The following TSPEAR variants were observed in gnomAD, a reference collection of about 807,000 sequenced individuals.
TSPEAR encodes the protein thrombospondin type laminin G domain and EAR repeats.
TSPEAR carries 69 observed loss-of-function variants against 71.6 expected under a neutral mutation model. The observed-to-expected ratio is 0.96, with a 90% CI of 0.79 to 1.18. The LOEUF is 1.18. Among genes scored for constraint, TSPEAR ranks in the 50% most tolerant of loss-of-function variants. The probability of loss-of-function intolerance (pLI) is 0.00; values close to 1 mark genes in which losing one functional copy is unlikely to be tolerated. For synonymous variants in TSPEAR, 402 were observed against 387.2 expected, an observed-to-expected ratio of 1.04 and a Z score of -0.45; for missense variants, 971 against 894.9, an observed-to-expected ratio of 1.09 and a Z score of -1.09.
chr21:44,672,599 C>T (rs1986115241), intron 1 of TSPEAR, among the ~76,000 whole-genome samples: 1 of 152,016 alleles, frequency 6.6e-6, no homozygotes, highest in African/African-American at 2.4e-5. Flanking sequence ...ACCTATTTAG[C>T]AAAATGATAG....
At chr21:44,503,519 CTTGGGGGG>C in intron 11 of TSPEAR, among the ~76,000 whole-genome samples, 1 of 129,718 alleles carries the variant, frequency 7.7e-6, no homozygotes, top group Non-Finnish European at 1.6e-5. Context: ...TTGGTGAGCC[CTTGGGGGG>C]AAGCCGGCCT....
Position 44,673,998 on chromosome 21 carries a change from A to G in TSPEAR, c.82+37435T>C, listed in dbSNP as rs375989825. Among the ~76,000 whole-genome samples, 44 of 152,288 alleles carry G rather than the reference A, an allele frequency of 2.9e-4. 1 individual carries two copies. The South Asian group carries it at 7.7e-3, about 27-fold the overall frequency. ...GGGACGTTAGTAGTAATAAATGCCTACATCAAAAAGGTAGATGTGGTGGTG... is the reference window on the plus strand; with the variant it reads ...GGGACGTTAGTAGTAATAAATGCCTGCATCAAAAAGGTAGATGTGGTGGTG... On this transcript the variant is annotated intron_variant, in intron 1 of 11. Transcript: ENST00000323084.
rs782538541 is a variant in TSPEAR, at chr21:44,513,371, T to C, written c.1567-3985A>G. Among the ~76,000 whole-genome samples, 13 of 151,260 alleles carry C rather than the reference T, an allele frequency of 8.6e-5. No homozygotes were observed. The South Asian group carries it at 2.3e-3, about 27-fold the overall frequency. On this transcript the variant is annotated intron_variant, in intron 9 of 11. Transcript: ENST00000323084. ...GAGGGTGTGCAGTGTGGGACCCCCC[T>C]GTCAGGCCACTCCCAGATTTTAAGC...
At chr21:44,665,499 T>G (rs587682110) in intron 1 of TSPEAR, among the ~76,000 whole-genome samples, 20 of 152,382 alleles carry the variant, frequency 1.3e-4, no homozygotes, top group Middle Eastern at 6.8e-3. Context: ...GATTACATTC[T>G]GAATAATTTC....
intron 1 of TSPEAR, among the ~76,000 whole-genome samples, chr21:44,655,178 T>C (rs1216249473): frequency 6.6e-6 from 1 of 152,210 alleles, no homozygotes; most frequent in African/African-American, 2.4e-5. Context: ...GGGTGGCCGA[T>C]ACCCCATTTT....
intron 1 of TSPEAR, among the ~76,000 whole-genome samples, chr21:44,630,560 G>A (rs1555935525): frequency 6.6e-6 from 1 of 152,116 alleles, no homozygotes; most frequent in Admixed American, 6.5e-5. Flanking sequence ...AAAGACCTGA[G>A]AGGCTCTCAG....
intron 11 of TSPEAR, 141 bp from the exon 12 acceptor site, chr21:44,500,077 T>G (rs2052000720): frequency 1.2e-6 from 1 of 830,822 alleles, no homozygotes; most frequent in Non-Finnish European, 1.8e-6. Flanking sequence ...TGGCACAGCG[T>G]GGGGAGATCG....
At chr21:44,685,799 C>A (rs1555948855) in intron 1 of TSPEAR, among the ~76,000 whole-genome samples, 2 of 152,178 alleles carry the variant, frequency 1.3e-5, no homozygotes, top group Non-Finnish European at 2.9e-5. Context: ...AGTCCAGATC[C>A]CTGCACCTCT....
rs1293064438 is a variant in TSPEAR, at chr21:44,711,239, C to T, written c.82+194G>A. 6.6e-6 allele frequency among the ~76,000 whole-genome samples: 1 copy of T among 152,028 alleles called. No homozygotes were observed. Among genetic ancestry groups the T allele is most frequent in the Non-Finnish European group, 1.5e-5 (1 of 68,004 alleles). ...CGCGTTTCTATTGCAACTGCCTGCC[C>T]TGCGCTTTCATCTTCCCCACCTGTG... On this transcript the variant is annotated intron_variant, in intron 1 of 11. Coordinates refer to ENST00000323084, the MANE Select transcript of TSPEAR (RefSeq NM_144991.3). The surrounding 1 kb of genome is among the most constrained non-coding windows in gnomAD (Gnocchi z 4.5).
intron 5 of TSPEAR, among the ~76,000 whole-genome samples, chr21:44,529,261 A>G (rs1555915406): frequency 6.6e-6 from 1 of 152,098 alleles, no homozygotes; most frequent in African/African-American, 2.4e-5. Flanking sequence ...CCATGGCAGG[A>G]GTGTGGTTTA....
chr21:44,650,447 G>GATGGCGGCAGAGACTGGGGCCACGTGACA (rs1984715676), intron 1 of TSPEAR, among the ~76,000 whole-genome samples: 1 of 151,918 alleles, frequency 6.6e-6, no homozygotes, highest in South Asian at 2.1e-4. Flanking sequence ...GCCACGTGAC[G>GATGGCGGCAGAGACTGGGGCCACGTGACA]ACGGGGGCAG....
chr21:44,549,599 G>C (rs1167351688), intron 2 of TSPEAR, among the ~76,000 whole-genome samples: 1 of 152,232 alleles, frequency 6.6e-6, no homozygotes, highest in Non-Finnish European at 1.5e-5. Context: ...CGGGCAACGT[G>C]GTGACGGTCA....
intron 1 of TSPEAR, chr21:44,646,346 T>C: frequency 6.9e-7 from 1 of 1,447,658 alleles, no homozygotes; most frequent in Admixed American, 2.2e-5. Context: ...GGACAACACA[T>C]GCCAGGGAGG....
At chr21:44,663,693 T>G (rs1555944171) in intron 1 of TSPEAR, among the ~76,000 whole-genome samples, 1 of 152,084 alleles carries the variant, frequency 6.6e-6, no homozygotes, top group Non-Finnish European at 1.5e-5. Flanking sequence ...ATATCTCTTA[T>G]GAATATAGAT....
At chr21:44,558,782 T>G in intron 2 of TSPEAR, 1 of 1,533,474 alleles carries the variant, frequency 6.5e-7, no homozygotes, top group Non-Finnish European at 8.8e-7. Context: ...AGTGAGGGAG[T>G]GAGTGAGTGA....
chr21:44,504,268 G>A (rs1364122969), intron 11 of TSPEAR, among the ~76,000 whole-genome samples: 1 of 130,334 alleles, frequency 7.7e-6, no homozygotes, highest in Admixed American at 7.3e-5. Context: ...TGAGCCCTCA[G>A]GGGGAAGCAG....
At chr21:44,585,748 A>G (rs1979295787) in intron 1 of TSPEAR, among the ~76,000 whole-genome samples, 1 of 150,314 alleles carries the variant, frequency 6.7e-6, no homozygotes, top group Non-Finnish European at 1.5e-5. Flanking sequence ...TTTTGGTAGC[A>G]CTCTCTTCTT....
chr21:44,602,358 T>G (rs442110), intron 1 of TSPEAR, among the ~76,000 whole-genome samples: 1 of 152,092 alleles, frequency 6.6e-6, no homozygotes, highest in African/African-American at 2.4e-5. Context: ...ATGGGAGAGG[T>G]GAGGGATCCA....
rs587759393 is a variant in TSPEAR at position 44,606,716 on chromosome 21, G to C, written c.83-38711C>G. On this transcript the variant is annotated intron_variant, in intron 1 of 11. Transcript: ENST00000323084. ...GAAAAGGAGAAAAATTCTGTCATTT[G>C]TGACAACTTGAATGGACCTGGAGGA... 3.3e-5 allele frequency among the ~76,000 whole-genome samples: 5 copies of C among 152,314 alleles called. No individual in the cohort carries two copies. The South Asian group carries it at 1.0e-3, about 32-fold the overall frequency.
Sources: allele counts gnomAD v4.1 joint callset (sites outside exome capture counted in the v4.1 genomes callset), GRCh38; gene constraint gnomAD v4.1.1; non-coding constraint Gnocchi (gnomAD v3.1); transcripts MANE v1.5; gene names NCBI Gene and HGNC (gene_info 2026-07-23, HGNC 2026-07-21).